CEMIP: variants seen among roughly 807,000 people sequenced by gnomAD.
The protein encoded by CEMIP is cell migration inducing hyaluronidase 1.
Under a neutral mutation model 156.9 loss-of-function variants are expected in CEMIP, and 105 were observed. The observed-to-expected ratio is 0.67, with a 90% CI of 0.57 to 0.79. The LOEUF (loss-of-function observed/expected upper bound fraction) is 0.79. CEMIP is among the 30% of genes least tolerant of loss of function. The pLI is 0.00. For synonymous variants in CEMIP, 676 were observed against 668.4 expected (o/e 1.01, Z -0.17); for missense variants, 1,457 against 1,769.4 (o/e 0.82, Z 3.17).
rs572998970 is a variant in CEMIP, at chr15:80,916,809, G to A, written c.1798-3285G>A. 1.5e-3 allele frequency among the ~76,000 whole-genome samples: 227 copies of A among 152,224 alleles called. 1 individual carries two copies. The highest frequency in any genetic ancestry group is 4.9e-3 in the African/African-American group (203 of 41,536). ...TAACTTGTGTCTTCTACCCCCACCC[G>A]AGGGCTGTCCTCGGCCTTATCATGC... On this transcript the variant is annotated intron_variant, in intron 14 of 29. Coordinates refer to ENST00000394685, the MANE Select transcript of CEMIP (RefSeq NM_001293298.2).
chr15:80,847,748 C>T (rs1308456783), intron 1 of CEMIP, among the ~76,000 whole-genome samples: 1 of 152,206 alleles, frequency 6.6e-6, no homozygotes, highest in African/African-American at 2.4e-5. Context: ...TTCATTCTGG[C>T]AAAACCGTGG....
chr15:80,879,367 T>C (rs1898568072), intron 4 of CEMIP, among the ~76,000 whole-genome samples: 1 of 152,228 alleles, frequency 6.6e-6, no homozygotes, highest in African/African-American at 2.4e-5. Flanking sequence ...TTGACAACTA[T>C]TTATACAGTA....
intron 6 of CEMIP, among the ~76,000 whole-genome samples, chr15:80,882,641 C>T (rs957361329): frequency 6.6e-6 from 1 of 152,152 alleles, no homozygotes; most frequent in African/African-American, 2.4e-5. Context: ...GTAGAGATGG[C>T]AAGGACAGAA....
chr15:80,884,406 C>A, intron 7 of CEMIP, 52 bp downstream of exon 7: 1 of 1,572,172 alleles, frequency 6.4e-7, no homozygotes, highest in Non-Finnish European at 8.8e-7. Flanking sequence ...TGAAGCCACT[C>A]TATCCCACTG....
At chr15:80,918,606 G>C (rs1252769572) in intron 14 of CEMIP, among the ~76,000 whole-genome samples, 4 of 152,198 alleles carry the variant, frequency 2.6e-5, no homozygotes, top group Non-Finnish European at 4.4e-5. Context: ...AATAGGTGTG[G>C]GTTGAATTGA....
intron 19 of CEMIP, among the ~76,000 whole-genome samples, chr15:80,927,586 C>T (rs1386720961): frequency 6.6e-6 from 1 of 152,190 alleles, no homozygotes; most frequent in African/African-American, 2.4e-5. Flanking sequence ...ATTGCGAAGA[C>T]CCCTCCTGCC....
intron 1 of CEMIP, among the ~76,000 whole-genome samples, chr15:80,872,318 G>A (rs761498639): frequency 4.5e-4 from 69 of 152,146 alleles, no homozygotes; most frequent in Non-Finnish European, 6.6e-4. Context: ...GCTGGCCACC[G>A]CCAAAGCCCG....
chr15:80,846,721 C>T (rs1202697177), intron 1 of CEMIP, among the ~76,000 whole-genome samples: 1 of 152,202 alleles, frequency 6.6e-6, no homozygotes, highest in East Asian at 1.9e-4. Flanking sequence ...TTTGAGTGAT[C>T]AGCTCAAGAT....
Position 80,889,490 on chromosome 15 carries a change from G to A in CEMIP, c.984G>A (p.Trp328Ter). Residue 328 changes from tryptophan (W) to a stop codon, truncating the protein, a stop_gained, in exon 10 of 30, where the codon TGG (tryptophan) becomes TGA (stop). Transcript: ENST00000394685. LOFTEE classifies it high-confidence loss of function. ...EWVQDVEWTE[W>*]FDHDKVSQTK... The stretch of plus-strand genomic sequence containing the variant: ...GCCTAGACGTGGAGTGGACGGAGTG[G>A]TTCGATCATGATAAAGTATCTCAGA... The A allele has an allele frequency of 6.2e-7, 1 of 1,614,124 alleles. No homozygotes were observed. Among genetic ancestry groups the A allele is most frequent in the Non-Finnish European group, 8.5e-7 (1 of 1,179,994 alleles).
intron 1 of CEMIP, among the ~76,000 whole-genome samples, chr15:80,838,147 G>A (rs2141696619): frequency 6.6e-6 from 1 of 152,322 alleles, no homozygotes; most frequent in South Asian, 2.1e-4. Context: ...ATTCCAGGCA[G>A]AGTAGGAGCG....
At chr15:80,789,778 G>A (rs1424245541) in intron 1 of CEMIP, among the ~76,000 whole-genome samples, 1 of 152,128 alleles carries the variant, frequency 6.6e-6, no homozygotes, top group Non-Finnish European at 1.5e-5. Flanking sequence ...ATATCCTGGA[G>A]TTTTCTGAGA....
At chr15:80,901,152 C>T (rs971604554) in intron 12 of CEMIP, among the ~76,000 whole-genome samples, 1 of 152,132 alleles carries the variant, frequency 6.6e-6, no homozygotes, top group Non-Finnish European at 1.5e-5. Context: ...AAACACCCCC[C>T]ACATCTTTAA....
intron 1 of CEMIP, among the ~76,000 whole-genome samples, chr15:80,843,177 C>T (rs1326048935): frequency 6.6e-6 from 1 of 152,136 alleles, no homozygotes; most frequent in Non-Finnish European, 1.5e-5. Context: ...TGAGGGAAGG[C>T]ACCATCATGA....
intron 12 of CEMIP, among the ~76,000 whole-genome samples, chr15:80,900,283 GGGTCAGCTGCTTCTGGA>G (rs1899420148): frequency 6.6e-6 from 1 of 152,048 alleles, no homozygotes; most frequent in Non-Finnish European, 1.5e-5. Flanking sequence ...TTGACTGCCT[GGGTCAGCTGCTTCTGGA>G]GGTCCCTGAA....
intron 1 of CEMIP, among the ~76,000 whole-genome samples, chr15:80,789,973 C>T (rs777674051): frequency 2.8e-4 from 43 of 152,234 alleles, no homozygotes; most frequent in Middle Eastern, 3.4e-3. Flanking sequence ...TCAGGGGGAA[C>T]GAGGGGCAGA....
chr15:80,900,638 G>GTGTGTGTCTGTGTC (rs1596172807), intron 12 of CEMIP, among the ~76,000 whole-genome samples: 3 of 101,964 alleles, frequency 2.9e-5, no homozygotes, highest in East Asian at 6.0e-4. Context: ...GTGTGTGTGT[G>GTGTGTGTCTGTGTC]TGTGTGTGTG....
intron 1 of CEMIP, among the ~76,000 whole-genome samples, chr15:80,838,669 T>G (rs1044809227): frequency 8.5e-5 from 13 of 152,180 alleles, no homozygotes; most frequent in African/African-American, 3.1e-4. Flanking sequence ...GATTTGTCTT[T>G]GTATTCCCAA....
At chr15:80,840,831 T>C (rs1164570748) in intron 1 of CEMIP, among the ~76,000 whole-genome samples, 1 of 152,202 alleles carries the variant, frequency 6.6e-6, no homozygotes, top group Non-Finnish European at 1.5e-5. Flanking sequence ...ACCAGCAGGC[T>C]TTCTGGAGTG....
At chr15:80,785,771 G>A (rs1228161104) in intron 1 of CEMIP, among the ~76,000 whole-genome samples, 1 of 152,138 alleles carries the variant, frequency 6.6e-6, no homozygotes, top group East Asian at 1.9e-4. Flanking sequence ...CTTACTTCCT[G>A]CAACCTTTCA....
Sources: allele counts gnomAD v4.1 joint callset (sites outside exome capture counted in the v4.1 genomes callset), GRCh38; gene constraint gnomAD v4.1.1; transcripts MANE v1.5; gene names NCBI Gene and HGNC (gene_info 2026-07-23, HGNC 2026-07-21).